The following INPP4B variants were observed in gnomAD, a reference collection of about 807,000 sequenced individuals.
INPP4B encodes the protein inositol polyphosphate 4-phosphatase type II.
A neutral mutation model predicts 122.5 loss-of-function variants in INPP4B; 55 were observed. That is an observed-to-expected ratio of 0.45 (90% CI 0.36 to 0.56). INPP4B has a LOEUF of 0.56. INPP4B is among the 20% of genes least tolerant of loss of function. INPP4B has a pLI of 0.00. For missense variants in INPP4B, 1,000 were observed against 1,097.7 expected (o/e 0.91, Z 1.26); for synonymous variants, 403 against 388.7 (o/e 1.04, Z -0.43).
chr4:142,207,820 A>C (rs1843186803), intron 14 of INPP4B, among the ~76,000 whole-genome samples: 1 of 152,176 alleles, frequency 6.6e-6, no homozygotes, highest in African/African-American at 2.4e-5. Context: ...GATAAATGGC[A>C]AGAGATTATG....
chr4:142,098,035 G>A (rs564852529), intron 23 of INPP4B, among the ~76,000 whole-genome samples: 1 of 152,254 alleles, frequency 6.6e-6, no homozygotes, highest in South Asian at 2.1e-4. Flanking sequence ...AAGGGTTCCA[G>A]CGGGCAAGAG....
chr4:142,068,092 T>A (rs974932733), intron 25 of INPP4B, among the ~76,000 whole-genome samples: 2 of 152,104 alleles, frequency 1.3e-5, no homozygotes, highest in Non-Finnish European at 2.9e-5. Flanking sequence ...AAAGGTTGGG[T>A]TACCCATAAA....
chr4:142,373,119 C>G (rs921818292), intron 7 of INPP4B, among the ~76,000 whole-genome samples: 6 of 151,950 alleles, frequency 3.9e-5, no homozygotes, highest in African/African-American at 9.7e-5. Context: ...TTTGAAAATC[C>G]AACTCCATAT....
intron 7 of INPP4B, among the ~76,000 whole-genome samples, chr4:142,354,374 T>C (rs1782909311): frequency 6.6e-6 from 1 of 151,936 alleles, no homozygotes; most frequent in Non-Finnish European, 1.5e-5. Flanking sequence ...TACGGCTCAT[T>C]TATATGTAGG....
intron 2 of INPP4B, among the ~76,000 whole-genome samples, chr4:142,571,064 C>T (rs1732696233): frequency 6.8e-6 from 1 of 147,898 alleles, no homozygotes; most frequent in African/African-American, 2.5e-5. Flanking sequence ...TTCCAGGAGT[C>T]CTCACTCAGT....
intron 11 of INPP4B, among the ~76,000 whole-genome samples, chr4:142,259,233 T>G: frequency 1.4e-5 from 2 of 147,560 alleles, no homozygotes; most frequent in East Asian, 2.1e-4. Flanking sequence ...AGGGATAGCA[T>G]TGGGAGATAT....
chr4:142,570,097 A>G (rs1246149097), intron 2 of INPP4B, among the ~76,000 whole-genome samples: 1 of 152,138 alleles, frequency 6.6e-6, no homozygotes, highest in Non-Finnish European at 1.5e-5. Flanking sequence ...GAGAATAACA[A>G]TATATACTTA....
At chr4:142,588,018 G>A (rs2150232859) in intron 2 of INPP4B, among the ~76,000 whole-genome samples, 1 of 151,858 alleles carries the variant, frequency 6.6e-6, no homozygotes, top group South Asian at 2.1e-4. Flanking sequence ...GTCAACATAT[G>A]AAAATAAATG....
intron 14 of INPP4B, among the ~76,000 whole-genome samples, chr4:142,196,716 A>G (rs1000583459): frequency 1.3e-5 from 2 of 152,174 alleles, no homozygotes; most frequent in Non-Finnish European, 2.9e-5. Context: ...TCTGAAACAC[A>G]GCCTTCAGTA....
intron 7 of INPP4B, among the ~76,000 whole-genome samples, chr4:142,395,022 C>T (rs1798917985): frequency 6.6e-6 from 1 of 152,192 alleles, no homozygotes; most frequent in Non-Finnish European, 1.5e-5. Context: ...TCCATGCAAA[C>T]ATCATTATTT....
chr4:142,536,933 G>A (rs568314970), intron 2 of INPP4B, among the ~76,000 whole-genome samples: 1 of 152,066 alleles, frequency 6.6e-6, no homozygotes, highest in East Asian at 1.9e-4. Context: ...AGTAGCTGGG[G>A]CTACAGGCAC....
chr4:142,768,748 G>T (rs763757111), intron 1 of INPP4B, among the ~76,000 whole-genome samples: 8 of 152,132 alleles, frequency 5.3e-5, no homozygotes, highest in Admixed American at 2.0e-4. Context: ...ACAGCCAGGG[G>T]ATCAAAAAGG....
intron 1 of INPP4B, among the ~76,000 whole-genome samples, chr4:142,807,528 T>C (rs971923167): frequency 1.3e-5 from 2 of 152,164 alleles, no homozygotes; most frequent in Admixed American, 6.5e-5. Flanking sequence ...TGGAGTGATG[T>C]GGAGCCAGAA....
Position 142,605,780 on chromosome 4 carries a change from A to G in INPP4B, c.-191+120059T>C, listed in dbSNP as rs139252434. On this transcript the variant is annotated intron_variant, in intron 2 of 25. Transcript: ENST00000262992. ...AGACAGGTGATAATGCAGAGGAAAGAAAACTTATATACTGCTGGTGGGAAT... is the reference window on the plus strand; with the variant it reads ...AGACAGGTGATAATGCAGAGGAAAGGAAACTTATATACTGCTGGTGGGAAT... 2.7e-3 allele frequency among the ~76,000 whole-genome samples: 405 copies of G among 152,068 alleles called. 6 individuals carry two copies. Among genetic ancestry groups the G allele is most frequent in the East Asian group, 0.018 (95 of 5,162 alleles).
At chr4:142,800,549 C>T (rs894234624) in intron 1 of INPP4B, among the ~76,000 whole-genome samples, 1 of 152,098 alleles carries the variant, frequency 6.6e-6, no homozygotes, top group Admixed American at 6.6e-5. Flanking sequence ...TTTGAATTTT[C>T]ATGAGATTTA....
chr4:142,029,024 C>A, intron 25 of INPP4B, 110 bp from the exon 26 acceptor site: 1 of 1,446,130 alleles, frequency 6.9e-7, no homozygotes, highest in Non-Finnish European at 9.1e-7. Context: ...AACAAAGATT[C>A]AACTCTACAT....
chr4:142,292,544 T>G (rs184822954), intron 9 of INPP4B, among the ~76,000 whole-genome samples: 5 of 152,330 alleles, frequency 3.3e-5, no homozygotes, highest in Admixed American at 3.3e-4. Context: ...AATCCCCACT[T>G]ACACCATTTC....
intron 11 of INPP4B, among the ~76,000 whole-genome samples, chr4:142,259,991 T>C (rs1042614811): frequency 8.6e-5 from 13 of 151,660 alleles, no homozygotes; most frequent in Middle Eastern, 3.2e-3. Context: ...TGTTTTTTGT[T>C]CATTTGTTTT....
chr4:142,292,807 G>C (rs1031321741), intron 9 of INPP4B, among the ~76,000 whole-genome samples: 2 of 152,032 alleles, frequency 1.3e-5, no homozygotes, highest in Non-Finnish European at 2.9e-5. Flanking sequence ...AGTAACATTT[G>C]GCATGTCTCT....
Sources: gnomAD v4.1 joint callset for allele counts (sites outside exome capture counted in the v4.1 genomes callset) on GRCh38, gnomAD v4.1.1 for gene constraint, MANE v1.5 for transcripts, NCBI Gene and HGNC (gene_info 2026-07-23, HGNC 2026-07-21) for gene names.